Variants in PTPRD observed in about 807,000 individuals in gnomAD.
The protein encoded by PTPRD is receptor-type tyrosine-protein phosphatase delta.
Under a neutral mutation model 214.5 loss-of-function variants are expected in PTPRD, and 34 were observed. The ratio of observed to expected loss-of-function variants is 0.16; its 90% CI spans 0.12 to 0.21. The LOEUF is 0.21. PTPRD is among the 10% of genes least tolerant of loss of function. The probability of loss-of-function intolerance (pLI) is 1.00; values close to 1 mark genes in which losing one functional copy is unlikely to be tolerated. For missense variants in PTPRD, 2,545 were observed against 2,398.7 expected (o/e 1.06, Z -1.27); for synonymous variants, 1,128 against 845.7 (o/e 1.33, Z -5.79).
chr9:8,523,941 C>A (rs2097945047), intron 18 of PTPRD, among the ~76,000 whole-genome samples: 1 of 152,092 alleles, frequency 6.6e-6, no homozygotes, highest in Non-Finnish European at 1.5e-5. Context: ...ATTTCAAAAT[C>A]AAGCTAGGTA....
chr9:10,578,719 GT>G (rs1024847533), intron 2 of PTPRD, among the ~76,000 whole-genome samples: 7 of 151,784 alleles, frequency 4.6e-5, no homozygotes, highest in Admixed American at 2.0e-4. Flanking sequence ...GTTCATATTA[GT>G]TTTTTTTGAA....
In PTPRD at chr9:10,476,191, A is replaced by C. The variant is rs148458458; in HGVS notation, c.-599-135174T>G. On this transcript the variant is annotated intron_variant, in intron 2 of 45. Coordinates refer to ENST00000381196, the MANE Select transcript of PTPRD (RefSeq NM_002839.4). Reference sequence around the variant, plus strand: ...TTCAAATGGGAAAAGAGGAAGTCAAATTGTCTCTGTTTGCAGATGACATGA... The same window carrying C: ...TTCAAATGGGAAAAGAGGAAGTCAACTTGTCTCTGTTTGCAGATGACATGA... Among the ~76,000 whole-genome samples, 694 of 152,274 alleles carry C rather than the reference A, an allele frequency of 4.6e-3. 9 individuals carry two copies. Among genetic ancestry groups the C allele is most frequent in the African/African-American group, 0.016 (663 of 41,546 alleles).
intron 8 of PTPRD, among the ~76,000 whole-genome samples, chr9:9,568,873 A>G (rs1298901721): frequency 2.0e-5 from 3 of 151,786 alleles, no homozygotes; most frequent in Non-Finnish European, 2.9e-5. Flanking sequence ...TAAATTTCCT[A>G]TGGGTCCCTG....
intron 14 of PTPRD, among the ~76,000 whole-genome samples, chr9:8,595,783 C>T (rs989330151): frequency 1.1e-4 from 16 of 152,044 alleles, no homozygotes; most frequent in African/African-American, 3.4e-4. Context: ...AGCTTATAGC[C>T]TAATTAATAA....
chr9:10,383,610 T>A (rs1213311493), intron 2 of PTPRD, among the ~76,000 whole-genome samples: 1 of 151,832 alleles, frequency 6.6e-6, no homozygotes, highest in Non-Finnish European at 1.5e-5. Flanking sequence ...GATGACACCT[T>A]ATCAGATCAT....
chr9:10,419,943 A>C (rs2098530479), intron 2 of PTPRD, among the ~76,000 whole-genome samples: 1 of 151,820 alleles, frequency 6.6e-6, no homozygotes, highest in Non-Finnish European at 1.5e-5. Context: ...GCTCAGCTCC[A>C]CAATTGCTCA....
At chr9:10,386,259 AT>A (rs931190320) in intron 2 of PTPRD, among the ~76,000 whole-genome samples, 3 of 151,880 alleles carry the variant, frequency 2.0e-5, no homozygotes, top group Non-Finnish European at 2.9e-5. Flanking sequence ...ATTTAGCCCA[AT>A]GGACATATTT....
chr9:8,373,913 TCTACCTACCTAC>T (rs151277325), intron 39 of PTPRD, among the ~76,000 whole-genome samples: 9,714 of 77,956 alleles, frequency 0.12, 432 homozygotes, highest in African/African-American at 0.34. Context: ...TATCTATCTA[TCTACCTACCTAC>T]CTATCTCAGT....
intron 7 of PTPRD, among the ~76,000 whole-genome samples, chr9:9,669,571 T>C (rs1386561512): frequency 6.6e-6 from 1 of 152,188 alleles, no homozygotes; most frequent in African/African-American, 2.4e-5. Flanking sequence ...TGAAAAATGA[T>C]GTTTTTAAAC....
chr9:9,300,973 G>C (rs4742582), intron 9 of PTPRD, among the ~76,000 whole-genome samples: 27,857 of 151,574 alleles, frequency 0.18, 2,867 homozygotes, highest in East Asian at 0.36. Context: ...TCCCACTAGA[G>C]TGTGAACTCA....
intron 9 of PTPRD, among the ~76,000 whole-genome samples, chr9:9,323,019 G>C (rs1470064041): frequency 1.3e-5 from 2 of 152,010 alleles, no homozygotes; most frequent in African/African-American, 4.8e-5. Flanking sequence ...TAGTCTGAAG[G>C]AATCACTCAA....
At chr9:9,817,119 C>T (rs948719352) in intron 5 of PTPRD, among the ~76,000 whole-genome samples, 1 of 152,016 alleles carries the variant, frequency 6.6e-6, no homozygotes, top group Non-Finnish European at 1.5e-5. Context: ...TGCCTGAAGG[C>T]TGGCTCAAAA....
intron 2 of PTPRD, among the ~76,000 whole-genome samples, chr9:10,519,131 A>G (rs910882165): frequency 6.6e-6 from 1 of 152,028 alleles, no homozygotes; most frequent in African/African-American, 2.4e-5. Context: ...GAAAACAGTT[A>G]GATAACTCTT....
chr9:8,871,141 G>A (rs1587002979), intron 11 of PTPRD, among the ~76,000 whole-genome samples: 1 of 152,126 alleles, frequency 6.6e-6, no homozygotes, highest in Non-Finnish European at 1.5e-5. Context: ...TTGTACAAAT[G>A]TTCCCATCAT....
intron 9 of PTPRD, among the ~76,000 whole-genome samples, chr9:9,337,309 G>A (rs2044917067): frequency 6.6e-6 from 1 of 152,102 alleles, no homozygotes; most frequent in African/African-American, 2.4e-5. Flanking sequence ...AAATCTGAGA[G>A]GCAGGTGTTG....
chr9:8,325,233 T>C (rs1832466135), intron 44 of PTPRD, among the ~76,000 whole-genome samples: 1 of 149,744 alleles, frequency 6.7e-6, no homozygotes, highest in South Asian at 2.2e-4. Context: ...TCATTTTACA[T>C]CTTAGGTTTA....
chr9:10,373,648 C>T (rs1457636646), intron 2 of PTPRD, among the ~76,000 whole-genome samples: 1 of 152,048 alleles, frequency 6.6e-6, no homozygotes, highest in Non-Finnish European at 1.5e-5. Context: ...GCTATAGGCA[C>T]CTTGATGATC....
chr9:8,470,122 A>T (rs2096623533), intron 31 of PTPRD, among the ~76,000 whole-genome samples: 1 of 152,126 alleles, frequency 6.6e-6, no homozygotes, highest in Non-Finnish European at 1.5e-5. Context: ...TGGGGGCGTT[A>T]CGGTTATTTG....
chr9:9,381,894 G>C (rs1225636854), intron 9 of PTPRD, among the ~76,000 whole-genome samples: 1 of 139,852 alleles, frequency 7.2e-6, no homozygotes, highest in African/African-American at 2.7e-5. Context: ...GTATTGTTTT[G>C]ACTATTTCTG....
Sources: allele counts gnomAD v4.1 joint callset (sites outside exome capture counted in the v4.1 genomes callset), GRCh38; gene constraint gnomAD v4.1.1; transcripts MANE v1.5; gene names NCBI Gene and HGNC (gene_info 2026-07-23, HGNC 2026-07-21).